The following SLC22A15 variants were observed in gnomAD, a reference collection of about 807,000 sequenced individuals.
SLC22A15 encodes the protein flipt 1.
A neutral mutation model predicts 62.7 loss-of-function variants in SLC22A15; 45 were observed. The ratio of observed to expected loss-of-function variants is 0.72; its 90% confidence interval spans 0.56 to 0.92. The LOEUF (loss-of-function observed/expected upper bound fraction) is 0.92, where lower values mean the gene tolerates loss of function less well. SLC22A15 is among the 40% of genes least tolerant of loss of function. The pLI is 0.00. For missense variants in SLC22A15, 622 were observed against 665.6 expected, an observed-to-expected ratio of 0.93 and a Z score of 0.72; for synonymous variants, 264 against 267.0, an observed-to-expected ratio of 0.99 and a Z score of 0.11.
chr1:116,061,120 A>T (rs1658368456), intron 8 of SLC22A15, among the ~76,000 whole-genome samples: 1 of 152,192 alleles, frequency 6.6e-6, no homozygotes, highest in African/African-American at 2.4e-5. Context: ...AATGAGCACC[A>T]GTGTACATAG....
At chr1:116,027,556 C>A (rs936854751) in intron 5 of SLC22A15, among the ~76,000 whole-genome samples, 6 of 152,110 alleles carry the variant, frequency 3.9e-5, no homozygotes, top group Non-Finnish European at 1.5e-5. Flanking sequence ...CTATAAATGA[C>A]TGCCCAAGGG....
chr1:116,066,807 G>A, intron 11 of SLC22A15, 99 bp downstream of exon 11: 2 of 1,240,424 alleles, frequency 1.6e-6, no homozygotes, highest in Non-Finnish European at 1.1e-6. Context: ...TAAAACTGCT[G>A]GAAAACAAAA....
chr1:116,064,492 C>G lies in SLC22A15; in HGVS notation c.1349C>G (p.Pro450Arg). Residue 450 changes from proline to arginine, a missense_variant, in exon 10 of 12, where the codon CCC becomes CGC. By Grantham distance (103) the Pro-to-Arg change is moderately radical. Transcript: ENST00000369503. ...TCCCGAGTTGGTGGGATTATTGCTC[C>G]CTTCATCCCCTCACTGGTTGGTTTG... is the stretch of plus-strand genomic sequence containing the variant. ...MFSRVGGIIA[P>R]FIPSLKYVQW... 6.2e-7 allele frequency: 1 copy of G among 1,612,494 alleles called. No homozygotes were observed. Among genetic ancestry groups the G allele is most frequent in the South Asian group, 1.1e-5 (1 of 91,036 alleles).
intron 6 of SLC22A15, among the ~76,000 whole-genome samples, chr1:116,034,709 C>A (rs1657568263): frequency 6.6e-6 from 1 of 152,140 alleles, no homozygotes; most frequent in Non-Finnish European, 1.5e-5. Context: ...CTGCAGGTGA[C>A]CCACTGAAGA....
chr1:116,043,324 G>A (rs1019231490), intron 8 of SLC22A15, among the ~76,000 whole-genome samples: 1 of 152,152 alleles, frequency 6.6e-6, no homozygotes, highest in African/African-American at 2.4e-5. Flanking sequence ...TATTTGGGAG[G>A]CTGAGGCAGG....
intron 6 of SLC22A15, among the ~76,000 whole-genome samples, chr1:116,033,808 A>G (rs762457244): frequency 6.6e-6 from 1 of 152,166 alleles, no homozygotes; most frequent in Non-Finnish European, 1.5e-5. Flanking sequence ...TTGCATCCTT[A>G]CATGTGATGT....
intron 6 of SLC22A15, among the ~76,000 whole-genome samples, chr1:116,034,595 C>A (rs10802147): frequency 0.065 from 9,893 of 152,176 alleles, 348 homozygotes; most frequent in South Asian, 0.11. Context: ...CTTTCCTGTT[C>A]TGGGAGTCTG....
At chr1:116,010,119 G>C (rs1656178414) in intron 2 of SLC22A15, among the ~76,000 whole-genome samples, 1 of 152,186 alleles carries the variant, frequency 6.6e-6, no homozygotes, top group Admixed American at 6.5e-5. Context: ...AGCTATTGGA[G>C]CGAATTTATG....
chr1:116,066,410 C>A, intron 10 of SLC22A15, 110 bp from the exon 11 acceptor site: 1 of 960,596 alleles, frequency 1.0e-6, no homozygotes, highest in Non-Finnish European at 1.5e-6. Flanking sequence ...AGTGCGAGGT[C>A]ATGAACTAGG....
At position 116,064,380 on chromosome 1, in the gene SLC22A15, G is replaced by T. The variant is rs887857856; in HGVS notation, c.1293-56G>T. On this transcript the variant is annotated intron_variant, in intron 9 of 11. Coordinates refer to ENST00000369503, the MANE Select transcript of SLC22A15 (RefSeq NM_018420.3). The stretch of plus-strand genomic sequence containing the variant: ...TCAAGGCCCGCTGCTGCCCCCCAAG[G>T]GTCTCTTAATTCCTCCGCTAGAACT... 6.1e-6 allele frequency: 8 copies of T among 1,318,156 alleles called. No homozygotes were observed. The East Asian group carries it at 1.8e-4, about 30-fold the overall frequency. 81.7% of individuals were successfully genotyped at this position (1,318,156 alleles called of 1,614,324 possible).
intron 8 of SLC22A15, among the ~76,000 whole-genome samples, chr1:116,042,068 T>A (rs1657802970): frequency 1.4e-5 from 2 of 140,214 alleles, no homozygotes; most frequent in South Asian, 2.3e-4. Context: ...AAAGGAACAA[T>A]AAAGTCCAGC....
intron 7 of SLC22A15, among the ~76,000 whole-genome samples, chr1:116,035,906 G>C (rs1399095552): frequency 3.3e-5 from 5 of 152,156 alleles, no homozygotes; most frequent in Non-Finnish European, 7.4e-5. Context: ...CTGTTACTTA[G>C]TGCCTGACCA....
At chr1:116,020,677 G>A in intron 3 of SLC22A15, 44 bp from the exon 4 acceptor site, 1 of 1,451,670 alleles carries the variant, frequency 6.9e-7, no homozygotes. Flanking sequence ...TTCATCAAAT[G>A]CTATTTTGCC....
intron 8 of SLC22A15, among the ~76,000 whole-genome samples, chr1:116,041,916 C>G (rs115623345): frequency 0.024 from 3,631 of 152,064 alleles, 146 homozygotes; most frequent in African/African-American, 0.084. Context: ...CATCCTAGGT[C>G]AAAGTCATTT....
intron 7 of SLC22A15, 53 bp downstream of exon 7, chr1:116,035,380 C>T (rs1657596769): frequency 4.7e-6 from 7 of 1,489,254 alleles, no homozygotes; most frequent in Non-Finnish European, 6.4e-6. Flanking sequence ...CACACATACA[C>T]ATATGCCCTC....
intron 2 of SLC22A15, among the ~76,000 whole-genome samples, chr1:116,009,299 C>T (rs893543318): frequency 2.0e-5 from 3 of 151,878 alleles, no homozygotes; most frequent in South Asian, 2.1e-4. Flanking sequence ...TGTGTGCTCC[C>T]GTCCCACCGT....
chr1:116,025,240 G>A (rs536913367), intron 4 of SLC22A15, among the ~76,000 whole-genome samples: 1 of 152,220 alleles, frequency 6.6e-6, no homozygotes, highest in South Asian at 2.1e-4. Context: ...CTACATTGTT[G>A]TCAAGGGATA....
chr1:116,025,576 A>G (rs138402088), intron 4 of SLC22A15, among the ~76,000 whole-genome samples: 21 of 152,372 alleles, frequency 1.4e-4, no homozygotes, highest in African/African-American at 4.8e-4. Context: ...AACAAGATCA[A>G]CAAAGTTTTG....
chr1:116,034,274 C>A (rs1657550847), intron 6 of SLC22A15, among the ~76,000 whole-genome samples: 1 of 152,066 alleles, frequency 6.6e-6, no homozygotes, highest in Non-Finnish European at 1.5e-5. Context: ...TATTTTTGTT[C>A]ATTCTATTCT....
Sources: gnomAD v4.1 joint callset for allele counts (sites outside exome capture counted in the v4.1 genomes callset) on GRCh38, gnomAD v4.1.1 for gene constraint, MANE v1.5 for transcripts, NCBI Gene and HGNC (gene_info 2026-07-23, HGNC 2026-07-21) for gene names.